Variants in NOS1AP observed in about 807,000 individuals in gnomAD.
NOS1AP encodes the protein carboxyl-terminal PDZ ligand of neuronal nitric oxide synthase protein.
A neutral mutation model predicts 56.2 loss-of-function variants in NOS1AP; 21 were observed. That is an observed-to-expected ratio of 0.37 (90% CI 0.26 to 0.54). The LOEUF (loss-of-function observed/expected upper bound fraction) is 0.54. NOS1AP is among the 20% of genes least tolerant of loss of function. The pLI, the probability that NOS1AP is intolerant of heterozygous loss-of-function variation, is 0.84. For missense variants in NOS1AP, 522 were observed against 657.8 expected (o/e 0.79, Z 2.26); for synonymous variants, 270 against 274.6 (o/e 0.98, Z 0.17).
At chr1:162,358,235 G>A (rs1357138928) in intron 8 of NOS1AP, among the ~76,000 whole-genome samples, 1 of 152,184 alleles carries the variant, frequency 6.6e-6, no homozygotes, top group East Asian at 1.9e-4. Flanking sequence ...TCCAGCCAGA[G>A]ATATCCTTTC....
chr1:162,289,003 C>T (rs757933065), intron 3 of NOS1AP, among the ~76,000 whole-genome samples: 5 of 152,098 alleles, frequency 3.3e-5, no homozygotes, highest in Admixed American at 1.3e-4. Flanking sequence ...AGCCCTGGGC[C>T]TGTTAAAGAA....
intron 8 of NOS1AP, among the ~76,000 whole-genome samples, chr1:162,361,418 T>G (rs886914491): frequency 6.6e-6 from 1 of 152,182 alleles, no homozygotes; most frequent in Non-Finnish European, 1.5e-5. Flanking sequence ...GTGCTTCAAG[T>G]TCGAGCCTAC....
At chr1:162,155,255 C>CAT (rs1329388845) in intron 2 of NOS1AP, among the ~76,000 whole-genome samples, 15 of 141,338 alleles carry the variant, frequency 1.1e-4, no homozygotes, top group African/African-American at 3.8e-4. Context: ...TATACACATA[C>CAT]ATATATATAT....
At chr1:162,293,079 G>A (rs577285994) in intron 3 of NOS1AP, among the ~76,000 whole-genome samples, 8 of 152,160 alleles carry the variant, frequency 5.3e-5, no homozygotes, top group Non-Finnish European at 8.8e-5. Context: ...GTGCACATGG[G>A]AGGATTTATT....
Position 162,368,789 on chromosome 1 carries a change from T to C in NOS1AP, c.*1322T>C, listed in dbSNP as rs1557897542. 2 of 152,238 alleles carry C rather than the reference T, an allele frequency of 1.3e-5. No individual in the cohort carries two copies. The highest frequency in any genetic ancestry group is 4.8e-5 in the African/African-American group (2 of 41,462). 9.4% of individuals were successfully genotyped at this position (152,238 alleles called of 1,614,324 possible). On this transcript the variant is annotated 3_prime_UTR_variant, in exon 10 of 10. Coordinates refer to ENST00000361897, the MANE Select transcript of NOS1AP (RefSeq NM_014697.3). ...AGATTGCTGAGACCTGCTAGAGTCA[T>C]ATGTTCGGGGAATTAAGTCTTTATC...
intron 1 of NOS1AP, among the ~76,000 whole-genome samples, chr1:162,147,301 C>T (rs1649509064): frequency 7.2e-6 from 1 of 138,392 alleles, no homozygotes; most frequent in Non-Finnish European, 1.5e-5. Context: ...CACTGCACTC[C>T]AGCCTGGGCG....
chr1:162,251,662 GTGTGTGTGTA>G (rs1301638515), intron 2 of NOS1AP, among the ~76,000 whole-genome samples: 19 of 150,426 alleles, frequency 1.3e-4, no homozygotes, highest in Admixed American at 1.1e-3. Context: ...ATATATATAT[GTGTGTGTGTA>G]TGTGTGTGTA....
chr1:162,343,117 T>A (rs542445957), intron 5 of NOS1AP, among the ~76,000 whole-genome samples: 1 of 152,200 alleles, frequency 6.6e-6, no homozygotes, highest in Non-Finnish European at 1.5e-5. Flanking sequence ...AGACTCTACA[T>A]AGGAGCAGGC....
At position 162,070,123 on chromosome 1, in the gene NOS1AP, C is replaced by T; in HGVS notation, c.-55C>T. The T allele has an allele frequency of 1.4e-6, 2 of 1,452,602 alleles. No homozygotes were observed. The highest frequency in any genetic ancestry group is 1.9e-6 in the Non-Finnish European group (2 of 1,034,608). 90.0% of individuals were successfully genotyped at this position (1,452,602 alleles called of 1,614,324 possible). A position where few individuals can be genotyped will look rare whatever the true frequency, so the allele number is the denominator to read the frequency against. ...CCAGTCTCCCCTCCCCGGGGTCTCG[C>T]CAGCCCCTTCCTGCAGCCGCCGCCT... On this transcript the variant is annotated 5_prime_UTR_variant, in exon 1 of 10. Coordinates refer to ENST00000361897, the MANE Select transcript of NOS1AP (RefSeq NM_014697.3).
intron 1 of NOS1AP, among the ~76,000 whole-genome samples, chr1:162,116,925 G>C (rs559974193): frequency 7.2e-5 from 11 of 151,910 alleles, no homozygotes; most frequent in Admixed American, 2.0e-4. Context: ...TAGCTTTTTG[G>C]GGGGGCTGGA....
chr1:162,130,481 C>G (rs1558113600), intron 1 of NOS1AP, among the ~76,000 whole-genome samples: 1 of 152,182 alleles, frequency 6.6e-6, no homozygotes, highest in Admixed American at 6.5e-5. Context: ...AGCTGCCCTG[C>G]TCTGTTTCTC....
At chr1:162,144,177 CA>C (rs1433665593) in intron 1 of NOS1AP, among the ~76,000 whole-genome samples, 1 of 152,268 alleles carries the variant, frequency 6.6e-6, no homozygotes, top group Admixed American at 6.5e-5. Context: ...TGTCCATACA[CA>C]GGCATCCTCA....
chr1:162,173,852 C>T (rs1207612566), intron 2 of NOS1AP, among the ~76,000 whole-genome samples: 1 of 152,194 alleles, frequency 6.6e-6, no homozygotes, highest in South Asian at 2.1e-4. Context: ...ATCAAAACCA[C>T]AATGAGATAC....
chr1:162,190,432 A>G (rs1015754300), intron 2 of NOS1AP, among the ~76,000 whole-genome samples: 12 of 152,166 alleles, frequency 7.9e-5, no homozygotes, highest in African/African-American at 2.4e-4. Flanking sequence ...TTAGTTACAT[A>G]TGTATACATG....
chr1:162,109,858 C>A (rs1647648767), intron 1 of NOS1AP, among the ~76,000 whole-genome samples: 1 of 152,132 alleles, frequency 6.6e-6, no homozygotes, highest in East Asian at 1.9e-4. Flanking sequence ...CCCAAGTTTG[C>A]ATCCCAGGGA....
intron 8 of NOS1AP, among the ~76,000 whole-genome samples, chr1:162,359,928 C>G (rs149395239): frequency 6.6e-6 from 1 of 152,184 alleles, no homozygotes; most frequent in East Asian, 1.9e-4. Context: ...TATGTTGTTC[C>G]TGGATAAAAA....
At chr1:162,199,662 A>C (rs1243670262) in intron 2 of NOS1AP, among the ~76,000 whole-genome samples, 1 of 149,452 alleles carries the variant, frequency 6.7e-6, no homozygotes, top group African/African-American at 2.5e-5. Flanking sequence ...ATTCTTGCAA[A>C]TCCTCCTGCC....
intron 3 of NOS1AP, among the ~76,000 whole-genome samples, chr1:162,300,025 T>C (rs1655591246): frequency 6.6e-6 from 1 of 152,226 alleles, no homozygotes; most frequent in Non-Finnish European, 1.5e-5. Context: ...CCTTCTTTCA[T>C]GGATGAATGT....
At chr1:162,091,239 G>T (rs1486996542) in intron 1 of NOS1AP, among the ~76,000 whole-genome samples, 1 of 152,070 alleles carries the variant, frequency 6.6e-6, no homozygotes, top group African/African-American at 2.4e-5. Context: ...GTTCCTAGTG[G>T]CTTGAGTGCT....
Sources: gnomAD v4.1 joint callset for allele counts (sites outside exome capture counted in the v4.1 genomes callset) on GRCh38, gnomAD v4.1.1 for gene constraint, MANE v1.5 for transcripts, NCBI Gene and HGNC (gene_info 2026-07-23, HGNC 2026-07-21) for gene names.